Variants in DLGAP2 observed in about 807,000 individuals in gnomAD.
DLGAP2 encodes the protein disks large-associated protein 2.
Under a neutral mutation model 100.3 loss-of-function variants are expected in DLGAP2, and 26 were observed. The observed-to-expected ratio is 0.26, with a 90% CI of 0.19 to 0.36. The LOEUF (loss-of-function observed/expected upper bound fraction) is 0.36, where lower values mean the gene tolerates loss of function less well. DLGAP2 is among the 10% of genes least tolerant of loss of function. The pLI, the probability that DLGAP2 is intolerant of heterozygous loss-of-function variation, is 1.00. For synonymous variants in DLGAP2, 886 were observed against 630.1 expected, an observed-to-expected ratio of 1.41 and a Z score of -6.08; for missense variants, 1,858 against 1,453.2, an observed-to-expected ratio of 1.28 and a Z score of -4.53.
At chr8:1,302,675 G>C (rs1800385423) in intron 3 of DLGAP2, 1 of 152,246 alleles carries the variant, frequency 6.6e-6, no homozygotes, top group Non-Finnish European at 1.5e-5. Context: ...CCTCTATTTA[G>C]TCATCAGATC....
chr8:1,559,099 C>T (rs896128698), intron 5 of DLGAP2, among the ~76,000 whole-genome samples: 2 of 152,166 alleles, frequency 1.3e-5, no homozygotes, highest in African/African-American at 4.8e-5. Context: ...CAGGAGACGT[C>T]AAAATGTATG....
intron 3 of DLGAP2, among the ~76,000 whole-genome samples, chr8:1,494,636 G>T (rs919314292): frequency 6.6e-6 from 1 of 152,144 alleles, no homozygotes; most frequent in Non-Finnish European, 1.5e-5. Flanking sequence ...TCTGAGGCAG[G>T]AGAATTGCTT....
chr8:1,699,127 C>T (rs1486971883), intron 14 of DLGAP2, among the ~76,000 whole-genome samples: 5 of 152,218 alleles, frequency 3.3e-5, no homozygotes, highest in Admixed American at 6.5e-5. Flanking sequence ...CAGGTGCACA[C>T]GATGGTTCCG....
intron 3 of DLGAP2, among the ~76,000 whole-genome samples, chr8:1,328,650 CT>C (rs1801078809): frequency 6.6e-6 from 1 of 152,130 alleles, no homozygotes; most frequent in Non-Finnish European, 1.5e-5. Context: ...TGCACCTGGC[CT>C]TACAGTTAAT....
At chr8:1,239,848 A>C (rs879162500) in intron 2 of DLGAP2, among the ~76,000 whole-genome samples, 1 of 48,580 alleles carries the variant, frequency 2.1e-5, no homozygotes. Flanking sequence ...ACATAGCGTC[A>C]TGTCTAGTTC....
intron 2 of DLGAP2, among the ~76,000 whole-genome samples, chr8:1,215,953 T>A (rs930713372): frequency 2.0e-5 from 3 of 151,552 alleles, no homozygotes; most frequent in Non-Finnish European, 2.9e-5. Flanking sequence ...TTTGGGTGCA[T>A]CACCTGGAGA....
intron 3 of DLGAP2, among the ~76,000 whole-genome samples, chr8:1,443,285 C>T (rs894067961): frequency 1.3e-5 from 2 of 151,692 alleles, no homozygotes; most frequent in South Asian, 4.2e-4. Context: ...CCAGCCTTCC[C>T]TCCACTGCCC....
chr8:1,669,990 G>A (rs1301076993), intron 10 of DLGAP2, among the ~76,000 whole-genome samples: 1 of 152,166 alleles, frequency 6.6e-6, no homozygotes, highest in African/African-American at 2.4e-5. Context: ...GGCCTCGCTG[G>A]GCTCCGGCGC....
chr8:1,435,397 G>A (rs1036364343), intron 3 of DLGAP2, among the ~76,000 whole-genome samples: 2 of 152,132 alleles, frequency 1.3e-5, no homozygotes, highest in South Asian at 2.1e-4. Flanking sequence ...GTGCAGCGGT[G>A]GCCCTGTAAG....
At chr8:1,686,558 C>A (rs2130868811) in intron 12 of DLGAP2, among the ~76,000 whole-genome samples, 1 of 152,228 alleles carries the variant, frequency 6.6e-6, no homozygotes, top group South Asian at 2.1e-4. Flanking sequence ...ATCCCAATCC[C>A]AGCTACTCAG....
chr8:1,174,505 A>C (rs1032647713), intron 2 of DLGAP2, among the ~76,000 whole-genome samples: 2 of 151,622 alleles, frequency 1.3e-5, no homozygotes, highest in African/African-American at 4.9e-5. Flanking sequence ...CCATCATCAA[A>C]GTCATTATCA....
At chr8:1,286,070 A>C (rs1799915490) in intron 3 of DLGAP2, among the ~76,000 whole-genome samples, 1 of 152,228 alleles carries the variant, frequency 6.6e-6, no homozygotes, top group Non-Finnish European at 1.5e-5. Flanking sequence ...CTTGAGTTGT[A>C]GTAATCGCTG....
chr8:1,660,040 G>A (rs1798373527), intron 8 of DLGAP2, among the ~76,000 whole-genome samples: 2 of 152,072 alleles, frequency 1.3e-5, no homozygotes, highest in Non-Finnish European at 2.9e-5. Context: ...CAGGCCTGGT[G>A]GTGACAAAAA....
At chr8:1,671,507 A>T (rs1243868491) in intron 10 of DLGAP2, among the ~76,000 whole-genome samples, 3 of 152,242 alleles carry the variant, frequency 2.0e-5, no homozygotes, top group African/African-American at 4.8e-5. Flanking sequence ...TCATGGAGAG[A>T]CAGCTCCAGG....
chr8:1,273,237 T>C (rs1251602522), intron 3 of DLGAP2, among the ~76,000 whole-genome samples: 2 of 152,282 alleles, frequency 1.3e-5, no homozygotes, highest in African/African-American at 2.4e-5. Flanking sequence ...TGCACCCTAA[T>C]ATCCAGTACT....
intron 6 of DLGAP2, among the ~76,000 whole-genome samples, chr8:1,572,946 AT>A (rs1428036684): frequency 4.0e-5 from 3 of 75,116 alleles, no homozygotes; most frequent in African/African-American, 1.6e-4. Flanking sequence ...AGGGTGAAGT[AT>A]TGGGGGCATC....
intron 2 of DLGAP2, among the ~76,000 whole-genome samples, chr8:1,209,110 C>G (rs930887489): frequency 1.3e-5 from 2 of 152,128 alleles, no homozygotes; most frequent in East Asian, 3.9e-4. Flanking sequence ...TCATTCCTAT[C>G]AAAATACCAT....
At chr8:1,107,064 C>T (rs1804798409) in intron 2 of DLGAP2, among the ~76,000 whole-genome samples, 1 of 152,170 alleles carries the variant, frequency 6.6e-6, no homozygotes, top group East Asian at 1.9e-4. Context: ...ATGCATTTCC[C>T]ATTCTAACAA....
intron 2 of DLGAP2, among the ~76,000 whole-genome samples, chr8:1,218,090 C>T (rs903508813): frequency 6.6e-6 from 1 of 152,086 alleles, no homozygotes; most frequent in African/African-American, 2.4e-5. Flanking sequence ...TGCAGAAGCT[C>T]TTTAATTAGG....
Sources: gnomAD v4.1 joint callset for allele counts (sites outside exome capture counted in the v4.1 genomes callset) on GRCh38, gnomAD v4.1.1 for gene constraint, MANE v1.5 for transcripts, NCBI Gene and HGNC (gene_info 2026-07-23, HGNC 2026-07-21) for gene names.